Variants in GUCY1A2 observed in about 807,000 individuals in gnomAD.
GUCY1A2 encodes the protein guanylate cyclase soluble subunit alpha-2.
In GUCY1A2, 27 loss-of-function variants were observed where a neutral mutation model predicts 63.5. The ratio of observed to expected loss-of-function variants is 0.43; its 90% confidence interval spans 0.31 to 0.59. The LOEUF is 0.59. Ranked by LOEUF, GUCY1A2 falls within the 20% of genes least tolerant of loss-of-function variation. The probability of loss-of-function intolerance (pLI) is 0.11; values close to 1 mark genes in which losing one functional copy is unlikely to be tolerated. For synonymous variants in GUCY1A2, 364 were observed against 343.5 expected (o/e 1.06, Z -0.66); for missense variants, 768 against 913.3 (o/e 0.84, Z 2.05).
intron 4 of GUCY1A2, among the ~76,000 whole-genome samples, chr11:106,822,486 C>T (rs1051326986): frequency 1.3e-5 from 2 of 152,110 alleles, no homozygotes; most frequent in Admixed American, 1.3e-4. Flanking sequence ...TAGTACCCAA[C>T]AGGTAGTTTT....
At chr11:106,909,034 C>A (rs997963493) in intron 4 of GUCY1A2, among the ~76,000 whole-genome samples, 1 of 151,862 alleles carries the variant, frequency 6.6e-6, no homozygotes, top group Non-Finnish European at 1.5e-5. Flanking sequence ...AAATACCAAC[C>A]AGGAATAGTG....
At chr11:106,900,165 C>A (rs1476144801) in intron 4 of GUCY1A2, among the ~76,000 whole-genome samples, 1 of 151,384 alleles carries the variant, frequency 6.6e-6, no homozygotes. Context: ...AATGTTTTCA[C>A]AAAACAAACA....
At chr11:106,715,533 C>A (rs561558295) in intron 6 of GUCY1A2, among the ~76,000 whole-genome samples, 12 of 151,848 alleles carry the variant, frequency 7.9e-5, no homozygotes, top group African/African-American at 2.9e-4. Context: ...CAGATTTAAT[C>A]TGGTTTTACC....
Position 106,824,813 on chromosome 11 carries a change from G to A in GUCY1A2, c.1207-14335C>T, listed in dbSNP as rs560161382. ...ATTTTTTTTTTTTGTAGGCTGAATC[G>A]TCTCAAACTTGTCATTCTGAACAAG... On this transcript the variant is annotated intron_variant, in intron 4 of 7. Coordinates refer to ENST00000526355, the MANE Select transcript of GUCY1A2 (RefSeq NM_000855.3). The A allele has an allele frequency of 2.2e-4, 357 of 1,587,138 alleles. 1 individual carries two copies. The Middle Eastern group carries it at 2.5e-3, about 11-fold the overall frequency.
chr11:106,793,470 C>A (rs903351660), intron 5 of GUCY1A2, among the ~76,000 whole-genome samples: 13 of 151,920 alleles, frequency 8.6e-5, no homozygotes, highest in African/African-American at 3.1e-4. Context: ...AACAACAACA[C>A]AGTCAACAAA....
chr11:106,856,544 G>A (rs1386525057), intron 4 of GUCY1A2, among the ~76,000 whole-genome samples: 1 of 152,098 alleles, frequency 6.6e-6, no homozygotes, highest in Non-Finnish European at 1.5e-5. Flanking sequence ...AAGATAAAGT[G>A]AAACTATGTT....
intron 4 of GUCY1A2, among the ~76,000 whole-genome samples, chr11:106,907,312 G>A (rs1860224853): frequency 6.6e-6 from 1 of 151,952 alleles, no homozygotes; most frequent in Non-Finnish European, 1.5e-5. Context: ...CATTGTATTA[G>A]GAGATATTTT....
intron 4 of GUCY1A2, among the ~76,000 whole-genome samples, chr11:106,883,897 G>A (rs1361797684): frequency 6.6e-6 from 1 of 152,042 alleles, no homozygotes; most frequent in Non-Finnish European, 1.5e-5. Context: ...GTAGGGACAT[G>A]GATGAAGTTG....
At chr11:106,924,675 A>C (rs1306093405) in intron 4 of GUCY1A2, among the ~76,000 whole-genome samples, 3 of 152,108 alleles carry the variant, frequency 2.0e-5, no homozygotes, top group Non-Finnish European at 4.4e-5. Context: ...TACATATAAA[A>C]TGTTTACAAG....
chr11:106,780,706 C>A (rs1405021062), intron 5 of GUCY1A2, among the ~76,000 whole-genome samples: 4 of 152,142 alleles, frequency 2.6e-5, no homozygotes, highest in Admixed American at 1.3e-4. Flanking sequence ...TTGTGTACTG[C>A]ATGAATGAAT....
intron 4 of GUCY1A2, among the ~76,000 whole-genome samples, chr11:106,837,604 C>G (rs747221317): frequency 1.9e-4 from 29 of 151,900 alleles, no homozygotes; most frequent in Non-Finnish European, 4.0e-4. Flanking sequence ...TAAATTATTT[C>G]AATATACCTA....
At chr11:106,799,826 C>T (rs146905495) in intron 5 of GUCY1A2, among the ~76,000 whole-genome samples, 10,668 of 152,188 alleles carry the variant, frequency 0.07, 382 homozygotes, top group East Asian at 0.12. Context: ...AGGACATAGG[C>T]ATGGGCAAGG....
intron 4 of GUCY1A2, chr11:106,827,546 T>A: frequency 6.8e-7 from 1 of 1,461,906 alleles, no homozygotes; most frequent in Non-Finnish European, 9.6e-7. Context: ...AACTTTGGTT[T>A]AGCTCCAGCA....
intron 6 of GUCY1A2, among the ~76,000 whole-genome samples, chr11:106,759,867 G>A (rs1411482814): frequency 1.3e-5 from 2 of 152,186 alleles, no homozygotes; most frequent in African/African-American, 4.8e-5. Context: ...CCTGGGAGGC[G>A]AAGCTTGCAG....
At chr11:106,894,363 C>A (rs1860017245) in intron 4 of GUCY1A2, among the ~76,000 whole-genome samples, 2 of 152,160 alleles carry the variant, frequency 1.3e-5, no homozygotes, top group African/African-American at 4.8e-5. Flanking sequence ...CTGGAGACTT[C>A]AACACCACTG....
At chr11:106,951,075 T>C (rs1039752344) in intron 3 of GUCY1A2, among the ~76,000 whole-genome samples, 1 of 152,242 alleles carries the variant, frequency 6.6e-6, no homozygotes, top group African/African-American at 2.4e-5. Flanking sequence ...ATGATCTCAC[T>C]CATTTTTATG....
At chr11:106,760,079 C>T (rs2135391114) in intron 6 of GUCY1A2, among the ~76,000 whole-genome samples, 1 of 152,224 alleles carries the variant, frequency 6.6e-6, no homozygotes, top group East Asian at 1.9e-4. Context: ...TCCCTAGTGT[C>T]TTCAAATAAA....
chr11:106,770,066 T>TTCAACAATTAAAAACTACA (rs1418012142), intron 6 of GUCY1A2, among the ~76,000 whole-genome samples: 7 of 152,028 alleles, frequency 4.6e-5, no homozygotes, highest in Admixed American at 4.6e-4. Context: ...AAAATAACAA[T>TTCAACAATTAAAAACTACA]TCAACAATTA....
intron 3 of GUCY1A2, among the ~76,000 whole-genome samples, chr11:106,968,276 C>T (rs546255748): frequency 1.5e-4 from 23 of 152,072 alleles, no homozygotes; most frequent in Admixed American, 1.3e-4. Flanking sequence ...TAATGTCTCT[C>T]GATGATCCTA....
Sources: gnomAD v4.1 joint callset for allele counts (sites outside exome capture counted in the v4.1 genomes callset) on GRCh38, gnomAD v4.1.1 for gene constraint, MANE v1.5 for transcripts, NCBI Gene and HGNC (gene_info 2026-07-23, HGNC 2026-07-21) for gene names.